The following DLGAP2 variants were observed in gnomAD, a reference collection of about 807,000 sequenced individuals.
DLGAP2 encodes DLG associated protein 2.
DLGAP2 carries 26 observed loss-of-function variants against 100.3 expected under a neutral mutation model. The ratio of observed to expected loss-of-function variants is 0.26; its 90% confidence interval spans 0.19 to 0.36. The LOEUF (loss-of-function observed/expected upper bound fraction) is 0.36. Ranked by LOEUF, DLGAP2 falls within the 10% of genes least tolerant of loss-of-function variation. The probability of loss-of-function intolerance (pLI) is 1.00; values close to 1 mark genes in which losing one functional copy is unlikely to be tolerated. For synonymous variants in DLGAP2, 886 were observed against 630.1 expected (o/e 1.41, Z -6.08); for missense variants, 1,858 against 1,453.2 (o/e 1.28, Z -4.53).
Position 1,596,958 on chromosome 8 carries a change from G to A in DLGAP2, c.1443-29782G>A, listed in dbSNP as rs192813862. Among the ~76,000 whole-genome samples, 134 of 152,224 alleles carry A rather than the reference G, an allele frequency of 8.8e-4. 1 individual carries two copies. The highest frequency in any genetic ancestry group is 2.5e-3 in the African/African-American group (105 of 41,536). On this transcript the variant is annotated intron_variant, in intron 6 of 14. Coordinates refer to ENST00000637795, the MANE Select transcript of DLGAP2 (RefSeq NM_001346810.2). ...TTTACCAGTGCCTGTGTCCTGAATG[G>A]TATTGCCTAGGTTTTCTTCTAGGCT... is the stretch of plus-strand genomic sequence containing the variant.
chr8:780,496 G>A (rs1288084616), intron 1 of DLGAP2, among the ~76,000 whole-genome samples: 1 of 152,180 alleles, frequency 6.6e-6, no homozygotes, highest in African/African-American at 2.4e-5. Flanking sequence ...CCAGAAGTGG[G>A]ATTGCTGGGT....
chr8:884,350 G>A (rs1797879865), intron 1 of DLGAP2, among the ~76,000 whole-genome samples: 1 of 152,122 alleles, frequency 6.6e-6, no homozygotes, highest in African/African-American at 2.4e-5. Flanking sequence ...GCATGAGATG[G>A]TATCTCATTG....
At chr8:1,341,566 A>G (rs13253348) in intron 3 of DLGAP2, among the ~76,000 whole-genome samples, 47,955 of 152,100 alleles carry the variant, frequency 0.32, 8,689 homozygotes, top group Admixed American at 0.45. Flanking sequence ...GATGGGAAGG[A>G]GATGACTGTG....
intron 8 of DLGAP2, among the ~76,000 whole-genome samples, chr8:1,651,219 A>C (rs544387287): frequency 1.3e-5 from 2 of 152,368 alleles, no homozygotes; most frequent in Admixed American, 1.3e-4. Flanking sequence ...GGACTGAAGC[A>C]AGAGCCACAC....
chr8:1,383,135 C>T (rs969116938), intron 3 of DLGAP2, among the ~76,000 whole-genome samples: 1 of 152,296 alleles, frequency 6.6e-6, no homozygotes, highest in East Asian at 1.9e-4. Flanking sequence ...GGATCATCCC[C>T]TTTATCTATT....
chr8:1,312,118 G>A (rs150144570), intron 3 of DLGAP2, among the ~76,000 whole-genome samples: 9 of 152,280 alleles, frequency 5.9e-5, no homozygotes, highest in East Asian at 5.8e-4. Context: ...TCCCAAGCTC[G>A]CACAGAACAT....
intron 1 of DLGAP2, among the ~76,000 whole-genome samples, chr8:772,098 G>T (rs1311830295): frequency 6.6e-6 from 1 of 151,948 alleles, no homozygotes; most frequent in African/African-American, 2.4e-5. Flanking sequence ...ACAAGGTCTT[G>T]CTCTGTTGCC....
intron 1 of DLGAP2, among the ~76,000 whole-genome samples, chr8:843,384 G>T (rs997916991): frequency 2.6e-5 from 4 of 152,204 alleles, no homozygotes; most frequent in Non-Finnish European, 5.9e-5. Context: ...TCAGCATCAG[G>T]AGTTCACGGG....
intron 2 of DLGAP2, among the ~76,000 whole-genome samples, chr8:1,213,709 C>G (rs1386212801): frequency 6.6e-6 from 1 of 152,158 alleles, no homozygotes. Flanking sequence ...TATCCAAGGG[C>G]CCTCTCCCAT....
At chr8:1,094,914 G>A (rs145017346) in intron 2 of DLGAP2, among the ~76,000 whole-genome samples, 163 of 152,288 alleles carry the variant, frequency 1.1e-3, no homozygotes, top group African/African-American at 3.8e-3. Context: ...TTTTCCTGAG[G>A]GTTTAGTTTA....
intron 12 of DLGAP2, among the ~76,000 whole-genome samples, chr8:1,683,844 ATATATATATATATGTGTGTG>A (rs1427032947): frequency 1.5e-5 from 1 of 68,026 alleles, no homozygotes; most frequent in Non-Finnish European, 2.4e-5. Flanking sequence ...CTATATATAT[ATATATATATATATGTGTGTG>A]TGTGTGTGTG....
At chr8:1,130,195 C>T (rs986975819) in intron 2 of DLGAP2, among the ~76,000 whole-genome samples, 2 of 151,990 alleles carry the variant, frequency 1.3e-5, no homozygotes, top group Admixed American at 1.3e-4. Context: ...GTTAATCTGC[C>T]AGAAGTGAGG....
At chr8:951,213 G>T (rs1021470653) in intron 2 of DLGAP2, among the ~76,000 whole-genome samples, 1 of 151,966 alleles carries the variant, frequency 6.6e-6, no homozygotes, top group Non-Finnish European at 1.5e-5. Flanking sequence ...TCTTGTTTCT[G>T]ATATTTTGTT....
chr8:1,265,093 C>G (rs1056051196), intron 3 of DLGAP2, among the ~76,000 whole-genome samples: 1 of 151,982 alleles, frequency 6.6e-6, no homozygotes, highest in African/African-American at 2.4e-5. Flanking sequence ...TTCTTCATAG[C>G]ACTATGAAAA....
chr8:888,204 G>A (rs1412762793), intron 1 of DLGAP2, among the ~76,000 whole-genome samples: 1 of 152,138 alleles, frequency 6.6e-6, no homozygotes, highest in Non-Finnish European at 1.5e-5. Flanking sequence ...TATGCTTCAT[G>A]AAGTTCTCGT....
chr8:1,200,673 C>T (rs1313126258), intron 2 of DLGAP2, among the ~76,000 whole-genome samples: 2 of 152,164 alleles, frequency 1.3e-5, no homozygotes, highest in African/African-American at 2.4e-5. Context: ...CTCAGGGGAG[C>T]GCACAGCCCT....
At chr8:1,694,513 G>T (rs1038818033) in intron 13 of DLGAP2, among the ~76,000 whole-genome samples, 5 of 152,342 alleles carry the variant, frequency 3.3e-5, no homozygotes, top group African/African-American at 1.2e-4. Context: ...GACACAACCA[G>T]AAGGCACATA....
intron 1 of DLGAP2, among the ~76,000 whole-genome samples, chr8:907,014 T>C (rs1030444959): frequency 6.6e-6 from 1 of 152,186 alleles, no homozygotes; most frequent in Non-Finnish European, 1.5e-5. Flanking sequence ...TCTTGTGGTT[T>C]CATCCATTGC....
At chr8:1,075,884 G>A (rs1412434446) in intron 2 of DLGAP2, among the ~76,000 whole-genome samples, 2 of 151,216 alleles carry the variant, frequency 1.3e-5, no homozygotes, top group Non-Finnish European at 2.9e-5. Context: ...CTGGGCAACG[G>A]AGGGAGACCT....
Sources: allele counts gnomAD v4.1 joint callset (sites outside exome capture counted in the v4.1 genomes callset), GRCh38; gene constraint gnomAD v4.1.1; transcripts MANE v1.5; gene names NCBI Gene and HGNC (gene_info 2026-07-23, HGNC 2026-07-21).